Variants in HSPBAP1 observed in about 807,000 individuals in gnomAD.
HSPBAP1 encodes HSPB1 associated protein 1, also known as HSPB1-associated protein 1.
A neutral mutation model predicts 45.2 loss-of-function variants in HSPBAP1; 27 were observed. That is an observed-to-expected ratio of 0.60 (90% CI 0.44 to 0.82). The LOEUF (loss-of-function observed/expected upper bound fraction) is 0.82, where lower values mean the gene tolerates loss of function less well. Among genes scored for constraint, HSPBAP1 ranks in the 40% least tolerant of loss-of-function variants. The pLI, the probability that HSPBAP1 is intolerant of heterozygous loss-of-function variation, is 0.00. For synonymous variants in HSPBAP1, 204 were observed against 202.7 expected (o/e 1.01, Z -0.06); for missense variants, 510 against 590.9 (o/e 0.86, Z 1.42).
At chr3:122,756,229 C>G (rs1934351415) in intron 4 of HSPBAP1, among the ~76,000 whole-genome samples, 1 of 152,186 alleles carries the variant, frequency 6.6e-6, no homozygotes, top group South Asian at 2.1e-4. Context: ...CCAAAGCCCT[C>G]TAGTGACCCC....
At chr3:122,746,000 A>G (rs1184092099) in intron 6 of HSPBAP1, among the ~76,000 whole-genome samples, 1 of 152,222 alleles carries the variant, frequency 6.6e-6, no homozygotes, top group Non-Finnish European at 1.5e-5. Flanking sequence ...GGAAGGCATG[A>G]ACAGAAAAGT....
chr3:122,770,718 A>G (rs1934966476), intron 2 of HSPBAP1, among the ~76,000 whole-genome samples: 1 of 152,198 alleles, frequency 6.6e-6, no homozygotes, highest in Non-Finnish European at 1.5e-5. Context: ...CAAAAAACAA[A>G]AAACAACCAA....
intron 1 of HSPBAP1, among the ~76,000 whole-genome samples, chr3:122,790,184 A>G (rs1294506976): frequency 1.3e-5 from 2 of 152,048 alleles, no homozygotes; most frequent in African/African-American, 4.8e-5. Context: ...TCAAATCTCC[A>G]GTACCTTTCT....
chr3:122,750,060 TG>T (rs1272287432), intron 6 of HSPBAP1, among the ~76,000 whole-genome samples: 8 of 151,662 alleles, frequency 5.3e-5, no homozygotes, highest in African/African-American at 1.9e-4. Context: ...CTGCAACTTC[TG>T]TCTCCCTGGT....
intron 3 of HSPBAP1, among the ~76,000 whole-genome samples, chr3:122,763,713 T>G (rs1934679056): frequency 6.6e-6 from 1 of 152,240 alleles, no homozygotes; most frequent in Non-Finnish European, 1.5e-5. Flanking sequence ...TTTTTTCTGT[T>G]CTGACTCCTC....
chr3:122,754,768 T>G lies in HSPBAP1; in HGVS notation c.741+492A>C, dbSNP rs1235095346. 6 of 985,668 alleles carry G rather than the reference T, an allele frequency of 6.1e-6. No individual in the cohort carries two copies. In the South Asian group the frequency reaches 1.4e-4, roughly 23 times the overall value. The allele number at this position is 985,668 out of a possible 1,614,324, so 61.1% of individuals were successfully genotyped here. A position where few individuals can be genotyped will look rare whatever the true frequency, so the allele number is the denominator to read the frequency against. On this transcript the variant is annotated intron_variant, in intron 5 of 7. Transcript: ENST00000306103. ...CAGTACCTTTGGAAATGTTTCAGAGTTAGTAATTTATGAAAACAACATCCA... is the reference window on the plus strand; with the variant it reads ...CAGTACCTTTGGAAATGTTTCAGAGGTAGTAATTTATGAAAACAACATCCA...
chr3:122,747,271 T>G, intron 6 of HSPBAP1, among the ~76,000 whole-genome samples: 1 of 127,002 alleles, frequency 7.9e-6, no homozygotes. Flanking sequence ...CGGCCGCCCA[T>G]CGTCTGAGAT....
intron 1 of HSPBAP1, among the ~76,000 whole-genome samples, chr3:122,792,933 C>T (rs892701218): frequency 2.0e-5 from 3 of 151,956 alleles, no homozygotes; most frequent in Non-Finnish European, 2.9e-5. Context: ...CTATTCGCTC[C>T]TTGAAGCATT....
In HSPBAP1 at chr3:122,746,935, G is replaced by T. The variant is rs566166703; in HGVS notation, c.825+5656C>A. Among the ~76,000 whole-genome samples, 1,016 of 152,012 alleles carry T rather than the reference G, an allele frequency of 6.7e-3. 10 individuals are homozygous for T. Among genetic ancestry groups the T allele is most frequent in the African/African-American group, 0.023 (959 of 41,444 alleles). Reference sequence around the variant, plus strand: ...CTCCCGAGGTGCTGGGATTGCAGACGGAGTCTCGTTCACTCAGTGCTCAAT... The same window carrying T: ...CTCCCGAGGTGCTGGGATTGCAGACTGAGTCTCGTTCACTCAGTGCTCAAT... On this transcript the variant is annotated intron_variant, in intron 6 of 7. Coordinates refer to ENST00000306103, the MANE Select transcript of HSPBAP1 (RefSeq NM_024610.6).
At chr3:122,785,803 T>C (rs1441635681) in intron 1 of HSPBAP1, among the ~76,000 whole-genome samples, 1 of 152,130 alleles carries the variant, frequency 6.6e-6, no homozygotes, top group Non-Finnish European at 1.5e-5. Context: ...TGAAAAATTT[T>C]ATTTCCCAGA....
intron 5 of HSPBAP1, chr3:122,753,449 G>T: frequency 1.0e-6 from 1 of 982,182 alleles, no homozygotes; most frequent in Non-Finnish European, 1.2e-6. Flanking sequence ...GTAGGGGGAT[G>T]GTTAAAATAG....
intron 6 of HSPBAP1, among the ~76,000 whole-genome samples, chr3:122,747,574 G>C (rs1455002992): frequency 1.4e-5 from 2 of 147,972 alleles, no homozygotes; most frequent in Admixed American, 6.7e-5. Flanking sequence ...CCCCGTCCGG[G>C]AGGGAGGTGG....
At chr3:122,753,393 TC>T in intron 5 of HSPBAP1, 2 of 965,892 alleles carry the variant, frequency 2.1e-6, no homozygotes, top group Non-Finnish European at 2.5e-6. Flanking sequence ...GACTTCAGAA[TC>T]TAGATTTTAT....
At chr3:122,751,112 G>A (rs1303864534) in intron 6 of HSPBAP1, among the ~76,000 whole-genome samples, 1 of 152,282 alleles carries the variant, frequency 6.6e-6, no homozygotes, top group Non-Finnish European at 1.5e-5. Flanking sequence ...ATTTAGGATC[G>A]AGATCATGTG....
intron 3 of HSPBAP1, among the ~76,000 whole-genome samples, chr3:122,768,038 C>T (rs1010832824): frequency 7.9e-5 from 12 of 152,072 alleles, no homozygotes; most frequent in Non-Finnish European, 1.3e-4. Context: ...AGGGAGTTTG[C>T]AAAATTATCT....
chr3:122,778,526 T>C (rs1174756007), intron 1 of HSPBAP1, among the ~76,000 whole-genome samples: 41 of 67,390 alleles, frequency 6.1e-4, no homozygotes, highest in Non-Finnish European at 1.3e-3. Flanking sequence ...TTTTTTTATT[T>C]TTTTTTTTTT....
intron 6 of HSPBAP1, among the ~76,000 whole-genome samples, chr3:122,748,512 T>C (rs1234024673): frequency 6.6e-6 from 1 of 152,176 alleles, no homozygotes; most frequent in Non-Finnish European, 1.5e-5. Context: ...CATTGGTGAA[T>C]TCCTTTATGA....
intron 1 of HSPBAP1, chr3:122,786,547 T>C (rs1935662658): frequency 6.6e-6 from 1 of 152,188 alleles, no homozygotes; most frequent in African/African-American, 2.4e-5. Flanking sequence ...ACAAAAAAGC[T>C]ATAAAGAAGT....
intron 2 of HSPBAP1, among the ~76,000 whole-genome samples, chr3:122,771,780 A>T (rs1935009055): frequency 6.6e-6 from 1 of 152,238 alleles, no homozygotes; most frequent in African/African-American, 2.4e-5. Context: ...AAACTAAGGA[A>T]CACATGATAT....
Sources: gnomAD v4.1 joint callset for allele counts (sites outside exome capture counted in the v4.1 genomes callset) on GRCh38, gnomAD v4.1.1 for gene constraint, MANE v1.5 for transcripts, NCBI Gene and HGNC (gene_info 2026-07-23, HGNC 2026-07-21) for gene names.